The following PIBF1 variants were observed in gnomAD, a reference collection of about 807,000 sequenced individuals.
PIBF1 encodes the protein progesterone immunomodulatory binding factor 1.
PIBF1 carries 90 observed loss-of-function variants against 112.5 expected under a neutral mutation model. That is an observed-to-expected ratio of 0.80 (90% CI 0.67 to 0.95). The LOEUF (loss-of-function observed/expected upper bound fraction) is 0.95. PIBF1 is among the 40% of genes least tolerant of loss of function. The probability of loss-of-function intolerance (pLI) is 0.00; values close to 1 mark genes in which losing one functional copy is unlikely to be tolerated. For synonymous variants in PIBF1, 301 were observed against 288.6 expected (o/e 1.04, Z -0.44); for missense variants, 915 against 852.3 (o/e 1.07, Z -0.92).
intron 13 of PIBF1, among the ~76,000 whole-genome samples, chr13:72,923,702 C>T (rs537280248): frequency 1.3e-5 from 2 of 152,298 alleles, no homozygotes; most frequent in South Asian, 2.1e-4. Flanking sequence ...CGGTGGCTCA[C>T]GCCTATAATC....
intron 17 of PIBF1, among the ~76,000 whole-genome samples, chr13:73,015,358 C>T (rs2044354101): frequency 6.6e-6 from 1 of 152,192 alleles, no homozygotes; most frequent in African/African-American, 2.4e-5. Context: ...ACCTCCCCTG[C>T]CTTTTTCTTT....
At chr13:72,843,297 C>G (rs558017266) in intron 9 of PIBF1, among the ~76,000 whole-genome samples, 1 of 152,264 alleles carries the variant, frequency 6.6e-6, no homozygotes, top group South Asian at 2.1e-4. Flanking sequence ...TTAAAGAATA[C>G]GTAGGAGAAT....
intron 16 of PIBF1, among the ~76,000 whole-genome samples, chr13:72,986,983 G>A (rs987864430): frequency 3.9e-5 from 6 of 152,098 alleles, no homozygotes; most frequent in African/African-American, 9.7e-5. Flanking sequence ...GAGCCACCGC[G>A]CCCGGCCTCT....
intron 13 of PIBF1, among the ~76,000 whole-genome samples, chr13:72,919,561 A>C (rs148563639): frequency 6.6e-6 from 1 of 152,352 alleles, no homozygotes; most frequent in East Asian, 1.9e-4. Context: ...TGTGGGTAAG[A>C]GACTTATCAG....
At chr13:72,845,120 C>G (rs1362338690) in intron 9 of PIBF1, among the ~76,000 whole-genome samples, 1 of 152,018 alleles carries the variant, frequency 6.6e-6, no homozygotes, top group Non-Finnish European at 1.5e-5. Flanking sequence ...GCTGTTTGTC[C>G]TAATGCTCTC....
At chr13:72,812,441 T>G (rs1390605471) in intron 5 of PIBF1, among the ~76,000 whole-genome samples, 1 of 152,046 alleles carries the variant, frequency 6.6e-6, no homozygotes, top group African/African-American at 2.4e-5. Flanking sequence ...AAAAAAACAG[T>G]AGTCAACTGT....
chr13:72,929,574 A>T (rs547070836), intron 13 of PIBF1, among the ~76,000 whole-genome samples: 1 of 152,300 alleles, frequency 6.6e-6, no homozygotes, highest in African/African-American at 2.4e-5. Context: ...TGATAGTGGC[A>T]CAACTCTAAA....
chr13:72,804,548 G>C (rs1407773529), intron 5 of PIBF1, among the ~76,000 whole-genome samples: 1 of 152,160 alleles, frequency 6.6e-6, no homozygotes, highest in Non-Finnish European at 1.5e-5. Flanking sequence ...CACCTTAGGG[G>C]AGAGGGGAGG....
At chr13:72,801,482 C>G (rs1329866885) in intron 5 of PIBF1, among the ~76,000 whole-genome samples, 1 of 152,016 alleles carries the variant, frequency 6.6e-6, no homozygotes, top group African/African-American at 2.4e-5. Context: ...TAAAATTTAT[C>G]AAAGCATGCA....
chr13:72,827,562 T>C (rs901263437), intron 7 of PIBF1, among the ~76,000 whole-genome samples, 171 bp from the exon 8 acceptor site: 12 of 152,120 alleles, frequency 7.9e-5, no homozygotes, highest in African/African-American at 2.9e-4. Context: ...AAAAGAGACT[T>C]TTAGTAGCTA....
intron 14 of PIBF1, among the ~76,000 whole-genome samples, chr13:72,935,174 CG>C (rs1566466929): frequency 6.6e-6 from 1 of 151,988 alleles, no homozygotes; most frequent in Non-Finnish European, 1.5e-5. Context: ...TTAGTAGAGG[CG>C]GGGTTTCACT....
intron 14 of PIBF1, 127 bp from the exon 15 acceptor site, chr13:72,965,147 C>T (rs906111197): frequency 6.3e-6 from 5 of 790,890 alleles, no homozygotes; most frequent in East Asian, 2.7e-5. Context: ...CAAATTTACA[C>T]AGGAAAAGCT....
intron 2 of PIBF1, among the ~76,000 whole-genome samples, chr13:72,785,380 G>C (rs139649673): frequency 6.6e-6 from 1 of 152,128 alleles, no homozygotes; most frequent in African/African-American, 2.4e-5. Context: ...CACTTAGAAC[G>C]GTGCCTGACA....
rs148681572 is a variant in PIBF1 at position 72,993,625 on chromosome 13, A to G, written c.2050-5197A>G. ...GGTGGGCATGGTGACGGGCGCCTGT[A>G]GTCCCAGCTACTCGGGAGGCTGAGG... On this transcript the variant is annotated intron_variant, in intron 16 of 17. Coordinates refer to ENST00000326291, the MANE Select transcript of PIBF1 (RefSeq NM_006346.4). 4.7e-3 allele frequency among the ~76,000 whole-genome samples: 719 copies of G among 151,960 alleles called. 2 individuals carry two copies. Among genetic ancestry groups the G allele is most frequent in the African/African-American group, 0.015 (608 of 41,454 alleles).
intron 17 of PIBF1, among the ~76,000 whole-genome samples, chr13:73,006,940 A>G (rs2044049473): frequency 6.6e-6 from 1 of 152,014 alleles, no homozygotes; most frequent in Admixed American, 6.6e-5. Flanking sequence ...AATCTGGAAT[A>G]TAGTATACTT....
intron 16 of PIBF1, among the ~76,000 whole-genome samples, chr13:72,986,751 C>T (rs1435152675): frequency 7.0e-6 from 1 of 143,220 alleles, no homozygotes; most frequent in African/African-American, 2.6e-5. Flanking sequence ...ACTGCAGTGG[C>T]GCAATCTCGG....
chr13:72,916,831 G>A (rs943028999), intron 12 of PIBF1, among the ~76,000 whole-genome samples: 1 of 151,952 alleles, frequency 6.6e-6, no homozygotes, highest in East Asian at 1.9e-4. Context: ...TTTTTAACAA[G>A]AAAACCTAAC....
chr13:72,918,073 T>C (rs1325833489), intron 13 of PIBF1, among the ~76,000 whole-genome samples: 2 of 152,150 alleles, frequency 1.3e-5, no homozygotes, highest in Non-Finnish European at 2.9e-5. Flanking sequence ...TTTTTATTCC[T>C]AACTCCTCTC....
chr13:72,914,606 C>G (rs1403045894), intron 12 of PIBF1, among the ~76,000 whole-genome samples: 2 of 152,152 alleles, frequency 1.3e-5, no homozygotes, highest in Non-Finnish European at 2.9e-5. Context: ...TAGTTAGACA[C>G]AGGGTCTCAC....
Sources: gnomAD v4.1 joint callset for allele counts (sites outside exome capture counted in the v4.1 genomes callset) on GRCh38, gnomAD v4.1.1 for gene constraint, MANE v1.5 for transcripts, NCBI Gene and HGNC (gene_info 2026-07-23, HGNC 2026-07-21) for gene names.